The following SMAP2 variants were observed in gnomAD, a reference collection of about 807,000 sequenced individuals.
SMAP2 encodes the protein small ArfGAP2, also known as stromal membrane-associated protein 2.
A neutral mutation model predicts 56.4 loss-of-function variants in SMAP2; 25 were observed. The ratio of observed to expected loss-of-function variants is 0.44; its 90% confidence interval spans 0.32 to 0.62. The LOEUF (loss-of-function observed/expected upper bound fraction) is 0.62, where lower values mean the gene tolerates loss of function less well. Among genes scored for constraint, SMAP2 ranks in the 20% least tolerant of loss-of-function variants. The probability of loss-of-function intolerance (pLI) is 0.04; values close to 1 mark genes in which losing one functional copy is unlikely to be tolerated. For missense variants in SMAP2, 388 were observed against 545.6 expected, an observed-to-expected ratio of 0.71 and a Z score of 2.88; for synonymous variants, 157 against 181.7, an observed-to-expected ratio of 0.86 and a Z score of 1.09.
At chr1:40,384,892 G>A (rs2124245321) in intron 1 of SMAP2, among the ~76,000 whole-genome samples, 1 of 152,280 alleles carries the variant, frequency 6.6e-6, no homozygotes, top group South Asian at 2.1e-4. Flanking sequence ...CATTTTTGAA[G>A]CTTCATATTT....
At chr1:40,365,358 C>T (rs1644477456) in intron 2 of SMAP2, among the ~76,000 whole-genome samples, 1 of 152,132 alleles carries the variant, frequency 6.6e-6, no homozygotes, top group Non-Finnish European at 1.5e-5. Flanking sequence ...CAAAGCAAAA[C>T]AAAACAAAAT....
chr1:40,350,046 C>T (rs1453950237), intron 1 of SMAP2, among the ~76,000 whole-genome samples: 1 of 152,156 alleles, frequency 6.6e-6, no homozygotes, highest in African/African-American at 2.4e-5. Context: ...GGTTGAATCT[C>T]CCACCAGTGA....
Position 40,393,346 on chromosome 1 carries a change from C to T in SMAP2, c.104-13390C>T, listed in dbSNP as rs988514847. 35 of 1,531,716 alleles carry T rather than the reference C, an allele frequency of 2.3e-5. No individual in the cohort carries two copies. In the African/African-American group the frequency reaches 3.6e-4, roughly 16 times the overall value. 94.9% of individuals were successfully genotyped at this position (1,531,716 alleles called of 1,614,324 possible). A position where few individuals can be genotyped will look rare whatever the true frequency, so the allele number is the denominator to read the frequency against. On this transcript the variant is annotated intron_variant, in intron 1 of 9. Coordinates refer to ENST00000372718, the MANE Select transcript of SMAP2 (RefSeq NM_022733.3). ...AAAAAACCCAACAACAGAACAACCA[C>T]AAATGAGTGAGTGCAGCAGGAGAGG...
At chr1:40,384,297 GT>G (rs1342680682) in intron 1 of SMAP2, among the ~76,000 whole-genome samples, 2 of 152,116 alleles carry the variant, frequency 1.3e-5, no homozygotes, top group African/African-American at 4.8e-5. Flanking sequence ...TGATTTGTTT[GT>G]TTTACCCCAC....
At chr1:40,361,659 T>C (rs1010282933) in intron 1 of SMAP2, among the ~76,000 whole-genome samples, 1 of 152,052 alleles carries the variant, frequency 6.6e-6, no homozygotes, top group Non-Finnish European at 1.5e-5. Context: ...AAAGAGCCCT[T>C]AGGCTTTGAA....
rs1644640925 is a variant in SMAP2 at position 40,385,105 on chromosome 1, A to C, written c.103+10882A>C. On this transcript the variant is annotated intron_variant, in intron 1 of 9. Coordinates refer to ENST00000372718, the MANE Select transcript of SMAP2 (RefSeq NM_022733.3). This position sits in a 1 kb window ranked among gnomAD's most constrained non-coding sequence, Gnocchi z 4.5. ...TCAGCTGTGGCCATCCGTCAGCGTA[A>C]GGTTGCTCTGGTGGTCGTCTTCAGT... Among the ~76,000 whole-genome samples the C allele has an allele frequency of 6.6e-6, 1 of 152,084 alleles. No homozygotes were observed. Among genetic ancestry groups the C allele is most frequent in the African/African-American group, 2.4e-5 (1 of 41,408 alleles).
At chr1:40,394,823 T>C (rs558240067) in intron 1 of SMAP2, among the ~76,000 whole-genome samples, 17 of 152,314 alleles carry the variant, frequency 1.1e-4, no homozygotes, top group African/African-American at 4.1e-4. Context: ...CATTGATTTT[T>C]GTGGCAGTCA....
intron 5 of SMAP2, 79 bp downstream of exon 5, chr1:40,413,181 TG>T: frequency 9.4e-7 from 1 of 1,065,332 alleles, no homozygotes; most frequent in Admixed American, 1.8e-5. Flanking sequence ...GGAGGTCTCG[TG>T]GTGAGTACCA....
At position 40,383,285 on chromosome 1, in the gene SMAP2, C is replaced by T. The variant is rs912832168; in HGVS notation, c.103+9062C>T. ...AGTCTGGTGGCAGCTGGAAGTAGGC[C>T]GAGTGAGAGAGCGTATTACCCTGGC... On this transcript the variant is annotated intron_variant, in intron 1 of 9. Transcript: ENST00000372718. 5.3e-5 allele frequency among the ~76,000 whole-genome samples: 8 copies of T among 152,128 alleles called. No homozygotes were observed. In the East Asian group the frequency reaches 5.8e-4, roughly 11 times the overall value.
intron 1 of SMAP2, among the ~76,000 whole-genome samples, chr1:40,398,135 G>T (rs1253620664): frequency 6.6e-6 from 1 of 152,122 alleles, no homozygotes; most frequent in Non-Finnish European, 1.5e-5. Flanking sequence ...GATATATAGA[G>T]AAGAAAATAG....
chr1:40,391,573 C>T (rs1397986423), intron 1 of SMAP2, among the ~76,000 whole-genome samples: 2 of 152,220 alleles, frequency 1.3e-5, no homozygotes, highest in East Asian at 3.9e-4. Context: ...GGGTCTTGTG[C>T]ATCCAGAATC....
Position 40,356,304 on chromosome 1 carries a change from A to G in SMAP2, c.-82-5996A>G, listed in dbSNP as rs546780704. ...CTGCAATAAACAGGACAGTGCAGAT[A>G]TCCCCTCGATATACTGATTTCCTTT... On this transcript the variant is annotated intron_variant, in intron 1 of 6. Coordinates refer to the SMAP2 transcript ENST00000435168. Among the ~76,000 whole-genome samples the G allele has an allele frequency of 1.1e-4, 16 of 152,226 alleles. No homozygotes were observed. The East Asian group carries it at 2.9e-3, about 28-fold the overall frequency.
At chr1:40,417,722 G>A (rs1645003821) in intron 9 of SMAP2, among the ~76,000 whole-genome samples, 1 of 152,048 alleles carries the variant, frequency 6.6e-6, no homozygotes, top group Non-Finnish European at 1.5e-5. Context: ...CGGGGAGATG[G>A]GCATGGCCTA....
At chr1:40,373,607 G>T (rs114847152), upstream of SMAP2, 1,325 of 153,422 alleles carry the variant, frequency 8.6e-3, 13 homozygotes, top group African/African-American at 0.03. Flanking sequence ...GCTTCTCCAC[G>T]GATTGGTTCC....
Position 40,374,608 on chromosome 1 carries a change from TGTGTGTGTGTGTGTGTGA to T in SMAP2, c.103+387_103+404del. On this transcript the variant is annotated intron_variant, in intron 1 of 9. Coordinates refer to ENST00000372718, the MANE Select transcript of SMAP2 (RefSeq NM_022733.3). The surrounding 1 kb of genome is among the most constrained non-coding windows in gnomAD (Gnocchi z 5.9). Reference sequence around the variant, plus strand: ...GCGTGCGTGCGTGCGTGTGTGTGTGTGTGTGTGTGTGTGTGTGAGAGAGAGAGAGAGAGAATGACGAGG... The same window carrying T: ...GCGTGCGTGCGTGCGTGTGTGTGTGTGAGAGAGAGAGAGAGAATGACGAGG... 7.2e-7 allele frequency: 1 copy of T among 1,381,066 alleles called. No individual in the cohort carries two copies. Among genetic ancestry groups the T allele is most frequent in the Non-Finnish European group, 1.0e-6 (1 of 996,404 alleles). 85.6% of individuals were successfully genotyped at this position (1,381,066 alleles called of 1,614,324 possible).
At chr1:40,360,519 T>G (rs1156318142) in intron 1 of SMAP2, among the ~76,000 whole-genome samples, 2 of 150,950 alleles carry the variant, frequency 1.3e-5, no homozygotes, top group East Asian at 3.9e-4. Flanking sequence ...GCCAGGCTGG[T>G]CTCAAACTTC....
intron 1 of SMAP2, among the ~76,000 whole-genome samples, chr1:40,388,640 C>T (rs1161859403): frequency 1.3e-5 from 2 of 152,170 alleles, no homozygotes; most frequent in Non-Finnish European, 2.9e-5. Context: ...CACCAATCAG[C>T]ACCCTGTCAA....
rs774191085 is a variant in SMAP2, at chr1:40,354,767, A to ATTTTTTTTTTTTTTTT, written c.-82-7521_-82-7506dup. Among the ~76,000 whole-genome samples, 15 of 67,330 alleles carry ATTTTTTTTTTTTTTTT rather than the reference A, an allele frequency of 2.2e-4. 2 individuals are homozygous for ATTTTTTTTTTTTTTTT. The highest frequency in any genetic ancestry group is 3.9e-4 in the African/African-American group (6 of 15,286). The allele number at this position is 67,330 out of a possible 152,430, so 44.2% of individuals were successfully genotyped here. A position where few individuals can be genotyped will look rare whatever the true frequency, so the allele number is the denominator to read the frequency against. On this transcript the variant is annotated intron_variant, in intron 1 of 6. Coordinates refer to the SMAP2 transcript ENST00000435168. Reference sequence around the variant, plus strand: ...GCAGTGAAATGAACCAAAACATTGAATTTTTTTTTTTTTTTTTTTTTTTTT... The same window carrying ATTTTTTTTTTTTTTTT: ...GCAGTGAAATGAACCAAAACATTGAATTTTTTTTTTTTTTTTTTTTTTTTTTTTTTTTTTTTTTTTT...
At chr1:40,378,565 G>T (rs1644563580) in intron 1 of SMAP2, among the ~76,000 whole-genome samples, 2 of 152,284 alleles carry the variant, frequency 1.3e-5, no homozygotes, top group Admixed American at 1.3e-4. Context: ...TCCCATCTCA[G>T]CCTCCCAGAG....
Sources: gnomAD v4.1 joint callset for allele counts (sites outside exome capture counted in the v4.1 genomes callset) on GRCh38, gnomAD v4.1.1 for gene constraint, Gnocchi (gnomAD v3.1) non-coding constraint, MANE v1.5 for transcripts, NCBI Gene and HGNC (gene_info 2026-07-23, HGNC 2026-07-21) for gene names.